The following ERRFI1 variants were observed in gnomAD, a reference collection of about 807,000 sequenced individuals.
ERRFI1 encodes the protein mitogen-inducible gene 6 protein.
A neutral mutation model predicts 14.6 loss-of-function variants in ERRFI1; 12 were observed. That is an observed-to-expected ratio of 0.82 (90% CI 0.53 to 1.33). The LOEUF (loss-of-function observed/expected upper bound fraction) is 1.33. Ranked by LOEUF, ERRFI1 falls within the 40% of genes most tolerant of loss-of-function variation. The pLI, the probability that ERRFI1 is intolerant of heterozygous loss-of-function variation, is 0.00. For synonymous variants in ERRFI1, 202 were observed against 209.9 expected, an observed-to-expected ratio of 0.96 and a Z score of 0.32; for missense variants, 482 against 572.1, an observed-to-expected ratio of 0.84 and a Z score of 1.61.
Position 8,013,519 on chromosome 1 carries a change from G to A in ERRFI1, c.1080C>T (p.Ser360=), listed in dbSNP as rs776152086. Residue 360 remains serine, a synonymous_variant, in exon 4 of 4, where the codon AGC becomes AGT. Transcript: ENST00000377482. The surrounding 1 kb of genome is among the most constrained non-coding windows in gnomAD (Gnocchi z 4.3). ...QSFAPDPKYV[S]SKALQRQNSE... is the part of the protein sequence containing the mutation. ...TGTTCTGTCTTTGCAGTGCTTTGCTGCTGACATACTTGGGATCAGGGGCAA... is the reference window on the plus strand; with the variant it reads ...TGTTCTGTCTTTGCAGTGCTTTGCTACTGACATACTTGGGATCAGGGGCAA... The A allele has an allele frequency of 2.5e-6, 4 of 1,614,046 alleles. No individual in the cohort carries two copies. Among genetic ancestry groups the A allele is most frequent in the Non-Finnish European group, 3.4e-6 (4 of 1,180,052 alleles).
Position 8,013,660 on chromosome 1 carries a change from T to G in ERRFI1, c.939A>C (p.Glu313Asp), listed in dbSNP as rs780889925. 7.4e-6 allele frequency: 12 copies of G among 1,614,046 alleles called. No individual in the cohort carries two copies. The highest frequency in any genetic ancestry group is 1.0e-5 in the Non-Finnish European group (12 of 1,180,048). ...TTGGCGGTACTTTGGGAGGCCTGTC[T>G]TCATCACTATAGGTGCTCGAAGTAA... ...AEVTSSTYSD[E>D]DRPPKVPPRE... Residue 313 changes from glutamate (E) to aspartate (D), a missense_variant, in exon 4 of 4, where the codon GAA becomes GAC. Physicochemically the swap from Glu to Asp is conservative, Grantham distance 45 (BLOSUM62 2). Coordinates refer to ENST00000377482, the MANE Select transcript of ERRFI1 (RefSeq NM_018948.4). The surrounding 1 kb of genome is among the most constrained non-coding windows in gnomAD (Gnocchi z 4.3).
At position 8,015,533 on chromosome 1, in the gene ERRFI1, C is replaced by T. The variant is rs1471359460; in HGVS notation, c.87G>A (p.Met29Ile). ...TGCGACTGCTCCAGTAGGTCTTCCT[C>T]ATATTCCCCATGGCTCGGCCATTAT... ...FLHNGRAMGN[M>I]RKTYWSSRSE... Residue 29 changes from methionine (M) to isoleucine (I), a missense_variant, in exon 2 of 4, where the codon ATG (methionine) becomes ATA (isoleucine). By Grantham distance (10) the Met-to-Ile change is conservative. Coordinates refer to ENST00000377482, the MANE Select transcript of ERRFI1 (RefSeq NM_018948.4). 6.2e-7 allele frequency: 1 copy of T among 1,614,182 alleles called. No homozygotes were observed. The highest frequency in any genetic ancestry group is 1.7e-5 in the Admixed American group (1 of 60,028).
chr1:8,015,680 T>C lies in ERRFI1; in HGVS notation c.-61A>G. ...GCCCAGGCACTTTAAAATCAACCAG[T>C]AGCTTTCATTCCCTGGGAGGTAGAA... is the stretch of plus-strand genomic sequence containing the variant. On this transcript the variant is annotated 5_prime_UTR_variant, in exon 2 of 4. Transcript: ENST00000377482. The C allele has an allele frequency of 5.6e-6, 9 of 1,603,804 alleles. No individual in the cohort carries two copies. The highest frequency in any genetic ancestry group is 7.7e-6 in the Non-Finnish European group (9 of 1,172,400).
rs1376913729 is a variant in ERRFI1, at chr1:8,023,720, T to C, written c.-74+2438A>G. ...TCTGAGAATCCTCCCCACCACCTTC[T>C]GAAATCTGAACCCCCCTCAGTAACT... On this transcript the variant is annotated intron_variant, in intron 1 of 3. Transcript: ENST00000377482. Among the ~76,000 whole-genome samples the C allele has an allele frequency of 4.6e-5, 7 of 152,234 alleles. No homozygotes were observed. In the South Asian group the frequency reaches 6.2e-4, roughly 13 times the overall value.
At chr1:8,015,098 A>T in intron 3 of ERRFI1, 1 of 562,850 alleles carries the variant, frequency 1.8e-6, no homozygotes, top group Non-Finnish European at 3.2e-6. Context: ...AGTCCTACTT[A>T]GCAATCAGTG....
At chr1:8,015,203 A>G in intron 3 of ERRFI1, 105 bp downstream of exon 3, 1 of 971,188 alleles carries the variant, frequency 1.0e-6, no homozygotes, top group South Asian at 1.4e-5. Context: ...TGTTGGAAAT[A>G]GTTCAGGTTT....
At position 8,013,728 on chromosome 1, in the gene ERRFI1, G is replaced by T. The variant is rs1641127277; in HGVS notation, c.871C>A (p.Pro291Thr). 6.2e-7 allele frequency: 1 copy of T among 1,614,172 alleles called. No homozygotes were observed. Among genetic ancestry groups the T allele is most frequent in the Non-Finnish European group, 8.5e-7 (1 of 1,180,032 alleles). Residue 291 changes from proline (P) to threonine (T), a missense_variant, in exon 4 of 4, where the codon CCT (proline) becomes ACT (threonine). Pro to Thr is a conservative substitution (Grantham distance 38). Transcript: ENST00000377482. This position sits in a 1 kb window ranked among gnomAD's most constrained non-coding sequence, Gnocchi z 4.3. Reference sequence around the variant, plus strand: ...CTATAATCTGGCTTTACTGGTCTAGGAGGTATGGGAACTCTGGGGGGAACC... The same window carrying T: ...CTATAATCTGGCTTTACTGGTCTAGTAGGTATGGGAACTCTGGGGGGAACC... Reference protein sequence around the residue: ...PEVPPRVPIPPRPVKPDYRRW... With the variant: ...PEVPPRVPIPTRPVKPDYRRW...
Position 8,014,162 on chromosome 1 carries a change from C to T in ERRFI1, c.437G>A (p.Cys146Tyr), listed in dbSNP as rs763676167. Residue 146 changes from cysteine (C) to tyrosine (Y), a missense_variant, in exon 4 of 4, where the codon TGT becomes TAT. Physicochemically the swap from Cys to Tyr is radical, Grantham distance 194. Transcript: ENST00000377482. ...TGGAAGAGGCCTAGAACCCCGTTCA[C>T]AAAGAGGGGCACAGGGGAAAAGGGA... The part of the protein sequence containing the change: ...SPSLFPCAPL[C>Y]ERGSRPLPPL... 6 of 1,614,042 alleles carry T rather than the reference C, an allele frequency of 3.7e-6. No individual in the cohort carries two copies. The highest frequency in any genetic ancestry group is 2.2e-5 in the East Asian group (1 of 44,868).
rs1229147099 is a variant in ERRFI1, at chr1:8,011,939, CTTGT to C, written c.*1267_*1270del. ...ATTCAGCAGTTTAAACTGTAAACAG[CTTGT>C]TTAACTGTTAAGAGAACATTGCAGT... On this transcript the variant is annotated 3_prime_UTR_variant, in exon 4 of 4. Coordinates refer to ENST00000377482, the MANE Select transcript of ERRFI1 (RefSeq NM_018948.4). 3.5e-5 allele frequency: 8 copies of C among 227,346 alleles called. No homozygotes were observed. Among genetic ancestry groups the C allele is most frequent in the South Asian group, 1.8e-4 (1 of 5,476 alleles). 14.1% of individuals were successfully genotyped at this position (227,346 alleles called of 1,614,324 possible).
chr1:8,017,395 A>G (rs79512406), intron 1 of ERRFI1, among the ~76,000 whole-genome samples: 434 of 152,310 alleles, frequency 2.8e-3, no homozygotes, highest in Non-Finnish European at 5.2e-3. Context: ...CTTTAAATCA[A>G]TCTCTCAAAT....
At chr1:8,015,080 C>T in intron 3 of ERRFI1, 1 of 526,722 alleles carries the variant, frequency 1.9e-6, no homozygotes, top group Non-Finnish European at 3.4e-6. Flanking sequence ...GATCCCACGT[C>T]CATGAACAGT....
rs535636788 is a variant in ERRFI1 at position 8,012,591 on chromosome 1, G to C, written c.*619C>G. The C allele has an allele frequency of 4.3e-4, 97 of 226,428 alleles. 1 individual carries two copies. The Middle Eastern group carries it at 0.013, about 31-fold the overall frequency. 14.0% of individuals were successfully genotyped at this position (226,428 alleles called of 1,614,324 possible). On this transcript the variant is annotated 3_prime_UTR_variant, in exon 4 of 4. Transcript: ENST00000377482. ...TCAACAAGACGCAACATGAAACCTG[G>C]AAGTATGAGGCCTTGGTATGATTTT...
At chr1:8,024,514 T>C (rs1641317801) in intron 1 of ERRFI1, among the ~76,000 whole-genome samples, 1 of 152,258 alleles carries the variant, frequency 6.6e-6, no homozygotes, top group South Asian at 2.1e-4. Context: ...CTGCATAAGA[T>C]AGAAGCTATA....
chr1:8,022,279 G>A (rs983424931), intron 1 of ERRFI1, among the ~76,000 whole-genome samples: 1 of 152,074 alleles, frequency 6.6e-6, no homozygotes, highest in African/African-American at 2.4e-5. Context: ...CGTAATAAGC[G>A]GTTACTACAT....
At position 8,012,449 on chromosome 1, in the gene ERRFI1, G is replaced by A. The variant is rs1441659989; in HGVS notation, c.*761C>T. On this transcript the variant is annotated 3_prime_UTR_variant, in exon 4 of 4. Transcript: ENST00000377482. ...TACGATGAGCTACTTCAGTGGGTGG[G>A]ACCAAGCAGGAACTGTAAGGGAAAA... The A allele has an allele frequency of 6.5e-5, 15 of 230,300 alleles. No homozygotes were observed. The highest frequency in any genetic ancestry group is 1.7e-5 in the Non-Finnish European group (2 of 115,898). The allele number at this position is 230,300 out of a possible 1,614,324, so 14.3% of individuals were successfully genotyped here. A position where few individuals can be genotyped will look rare whatever the true frequency, so the allele number is the denominator to read the frequency against.
In ERRFI1 at chr1:8,013,786, T is replaced by C; in HGVS notation, c.813A>G (p.Arg271=). The C allele has an allele frequency of 6.2e-7, 1 of 1,614,176 alleles. No individual in the cohort carries two copies. The highest frequency in any genetic ancestry group is 8.5e-7 in the Non-Finnish European group (1 of 1,180,018). Residue 271 remains arginine (R), a synonymous_variant, in exon 4 of 4, where the codon AGA becomes AGG. Transcript: ENST00000377482. The surrounding 1 kb of genome is among the most constrained non-coding windows in gnomAD (Gnocchi z 4.3). ...AIRISNCCIH[R]ASPNSDEDKP... The stretch of plus-strand genomic sequence containing the variant: ...TGTCTTCATCGGAGTTAGGAGAAGC[T>C]CTGTGTATACAACAGTTGGATATCC...
In ERRFI1 at chr1:8,012,868, G is replaced by A. The variant is rs943119829; in HGVS notation, c.*342C>T. On this transcript the variant is annotated 3_prime_UTR_variant, in exon 4 of 4. Transcript: ENST00000377482. ...TTATTCTGAATATATATTACTCTAC[G>A]ATAGTAACTAATTGGTTAACCTGCA... The A allele has an allele frequency of 4.5e-5, 13 of 288,924 alleles. No individual in the cohort carries two copies. Among genetic ancestry groups the A allele is most frequent in the Middle Eastern group, 1.0e-3 (1 of 984 alleles). 17.9% of individuals were successfully genotyped at this position (288,924 alleles called of 1,614,324 possible).
At chr1:8,014,628 G>A in intron 3 of ERRFI1, 1 of 531,990 alleles carries the variant, frequency 1.9e-6, no homozygotes. Flanking sequence ...ATCTCCCTTG[G>A]ACATGTGCAC....
chr1:8,016,061 T>G (rs1641169161), intron 1 of ERRFI1, among the ~76,000 whole-genome samples: 1 of 152,170 alleles, frequency 6.6e-6, no homozygotes, highest in Admixed American at 6.5e-5. Flanking sequence ...ACGGCTGCAC[T>G]GGGCATGAAG....
Sources: gnomAD v4.1 joint callset for allele counts (sites outside exome capture counted in the v4.1 genomes callset) on GRCh38, gnomAD v4.1.1 for gene constraint, Gnocchi (gnomAD v3.1) non-coding constraint, MANE v1.5 for transcripts, NCBI Gene and HGNC (gene_info 2026-07-23, HGNC 2026-07-21) for gene names.